Variants in ATG10 observed in about 807,000 individuals in gnomAD.
ATG10 encodes autophagy related 10.
In ATG10, 30 loss-of-function variants were observed where a neutral mutation model predicts 32.1. That is an observed-to-expected ratio of 0.94 (90% CI 0.70 to 1.27). The LOEUF is 1.27. ATG10 is among the 50% of genes most tolerant of loss of function. The probability of loss-of-function intolerance (pLI) is 0.00; values close to 1 mark genes in which losing one functional copy is unlikely to be tolerated. For missense variants in ATG10, 233 were observed against 262.3 expected, an observed-to-expected ratio of 0.89 and a Z score of 0.77; for synonymous variants, 87 against 91.5, an observed-to-expected ratio of 0.95 and a Z score of 0.28.
chr5:82,051,671 A>C (rs1384129042), intron 2 of ATG10, among the ~76,000 whole-genome samples: 1 of 152,114 alleles, frequency 6.6e-6, no homozygotes, highest in Non-Finnish European at 1.5e-5. Context: ...GGAAGGTGTA[A>C]CACTATGAGA....
chr5:82,215,935 C>CAA (rs34517729), intron 5 of ATG10, among the ~76,000 whole-genome samples: 1,651 of 124,098 alleles, frequency 0.013, 26 homozygotes, highest in African/African-American at 0.042. Context: ...AACTCCATCT[C>CAA]AAAAAAAAAA....
chr5:81,984,364 T>C (rs939562360), intron 1 of ATG10, among the ~76,000 whole-genome samples: 4 of 152,236 alleles, frequency 2.6e-5, no homozygotes, highest in African/African-American at 9.6e-5. Flanking sequence ...TGCAGTGAGC[T>C]GAGATGGCAG....
intron 5 of ATG10, 79 bp downstream of exon 5, chr5:82,178,666 T>TC: frequency 1.1e-6 from 1 of 923,266 alleles, no homozygotes; most frequent in Non-Finnish European, 1.8e-6. Context: ...TAGTTCCCTC[T>TC]CCAACTCTTT....
intron 3 of ATG10, among the ~76,000 whole-genome samples, chr5:82,118,205 T>A (rs758971651): frequency 4.0e-5 from 6 of 150,726 alleles, no homozygotes; most frequent in Non-Finnish European, 8.9e-5. Context: ...TGTAATTACA[T>A]GTGTAATTAA....
intron 3 of ATG10, among the ~76,000 whole-genome samples, chr5:82,090,631 A>C (rs1029587587): frequency 6.6e-6 from 1 of 152,202 alleles, no homozygotes; most frequent in Non-Finnish European, 1.5e-5. Context: ...GTGTGGCTGT[A>C]AATGGGCAAC....
At chr5:81,981,459 C>T (rs1205358230) in intron 1 of ATG10, among the ~76,000 whole-genome samples, 1 of 151,938 alleles carries the variant, frequency 6.6e-6, no homozygotes, top group Non-Finnish European at 1.5e-5. Flanking sequence ...AGCCAAATTG[C>T]CATAAAAGTA....
At chr5:82,250,116 A>G (rs1246829742) in intron 5 of ATG10, among the ~76,000 whole-genome samples, 2 of 152,144 alleles carry the variant, frequency 1.3e-5, no homozygotes, top group Admixed American at 6.5e-5. Context: ...AAGAATTTAG[A>G]CTACATTTAT....
At chr5:82,176,669 G>T (rs776274315) in intron 4 of ATG10, among the ~76,000 whole-genome samples, 1 of 152,032 alleles carries the variant, frequency 6.6e-6, no homozygotes, top group Admixed American at 6.6e-5. Flanking sequence ...GCAGAGTTTG[G>T]CCCTACTCTG....
At chr5:81,998,310 A>C (rs1182007247) in intron 2 of ATG10, among the ~76,000 whole-genome samples, 1 of 152,232 alleles carries the variant, frequency 6.6e-6, no homozygotes, top group Non-Finnish European at 1.5e-5. Flanking sequence ...TGAAGGAGAA[A>C]TAAGATCCTT....
At chr5:82,251,242 G>A (rs1336277264) in intron 5 of ATG10, among the ~76,000 whole-genome samples, 1 of 152,122 alleles carries the variant, frequency 6.6e-6, no homozygotes, top group East Asian at 1.9e-4. Context: ...TGAATGTTTG[G>A]AGCTGAGGGG....
Position 82,057,646 on chromosome 5 carries a change from T to G in ATG10, c.109-849T>G, listed in dbSNP as rs532291354. ...AATATTTATTGGCATGTATGTTTGT[T>G]CTTGGGGAGGTATTATATTCTTACA... On this transcript the variant is annotated intron_variant, in intron 2 of 7. Transcript: ENST00000282185. 1.1e-3 allele frequency among the ~76,000 whole-genome samples: 175 copies of G among 152,306 alleles called. 2 individuals are homozygous for G. Among genetic ancestry groups the G allele is most frequent in the Admixed American group, 2.3e-3 (35 of 15,288 alleles).
chr5:82,174,594 G>A (rs1424978363), intron 4 of ATG10, among the ~76,000 whole-genome samples: 1 of 152,140 alleles, frequency 6.6e-6, no homozygotes, highest in Non-Finnish European at 1.5e-5. Flanking sequence ...TTTGGGACTA[G>A]TAAGTAATTA....
intron 1 of ATG10, among the ~76,000 whole-genome samples, chr5:81,985,733 A>G (rs1388376820): frequency 1.3e-5 from 2 of 152,298 alleles, no homozygotes; most frequent in South Asian, 2.1e-4. Flanking sequence ...GAGTCTTTCC[A>G]AGGCATTTGC....
At chr5:82,244,917 T>C (rs552850211) in intron 5 of ATG10, among the ~76,000 whole-genome samples, 1 of 152,328 alleles carries the variant, frequency 6.6e-6, no homozygotes, top group East Asian at 1.9e-4. Flanking sequence ...TCTATTTTCA[T>C]GGAAAACCAT....
At chr5:82,054,335 T>C (rs933567510) in intron 2 of ATG10, among the ~76,000 whole-genome samples, 1 of 152,166 alleles carries the variant, frequency 6.6e-6, no homozygotes, top group African/African-American at 2.4e-5. Context: ...GGGGATTATG[T>C]TTTAAATGCA....
At chr5:82,160,093 T>C (rs1345336706) in intron 3 of ATG10, among the ~76,000 whole-genome samples, 1 of 152,168 alleles carries the variant, frequency 6.6e-6, no homozygotes, top group African/African-American at 2.4e-5. Context: ...TTTTATCACA[T>C]GTGTAGGCTT....
chr5:82,042,307 T>C (rs1391741247), intron 2 of ATG10, among the ~76,000 whole-genome samples: 1 of 152,116 alleles, frequency 6.6e-6, no homozygotes, highest in Non-Finnish European at 1.5e-5. Context: ...CCATCAGATT[T>C]TGTGAGAATT....
At chr5:82,219,986 C>CA (rs1353527285) in intron 5 of ATG10, among the ~76,000 whole-genome samples, 8 of 152,062 alleles carry the variant, frequency 5.3e-5, no homozygotes, top group Non-Finnish European at 8.8e-5. Flanking sequence ...CAAGCAATTG[C>CA]AAAACAGTAG....
chr5:82,013,122 C>T (rs553019138), intron 2 of ATG10, among the ~76,000 whole-genome samples: 3 of 152,014 alleles, frequency 2.0e-5, no homozygotes, highest in Non-Finnish European at 4.4e-5. Context: ...CCACCACGCC[C>T]GGCCAATTTT....
Sources: gnomAD v4.1 joint callset for allele counts (sites outside exome capture counted in the v4.1 genomes callset) on GRCh38, gnomAD v4.1.1 for gene constraint, MANE v1.5 for transcripts, NCBI Gene and HGNC (gene_info 2026-07-23, HGNC 2026-07-21) for gene names.